Variants in KANSL1L observed in about 807,000 individuals in gnomAD.
KANSL1L encodes KAT8 regulatory NSL complex subunit 1 like, also known as KAT8 regulatory NSL complex subunit 1-like protein.
KANSL1L carries 25 observed loss-of-function variants against 108.6 expected under a neutral mutation model. The observed-to-expected ratio is 0.23, with a 90% CI of 0.17 to 0.32. The LOEUF (loss-of-function observed/expected upper bound fraction) is 0.32, where lower values mean the gene tolerates loss of function less well. KANSL1L is among the 10% of genes least tolerant of loss of function. The pLI, the probability that KANSL1L is intolerant of heterozygous loss-of-function variation, is 1.00. For synonymous variants in KANSL1L, 405 were observed against 395.1 expected (o/e 1.03, Z -0.30); for missense variants, 1,137 against 1,125.7 (o/e 1.01, Z -0.14).
intron 5 of KANSL1L, among the ~76,000 whole-genome samples, chr2:210,097,692 C>T (rs903787690): frequency 6.6e-6 from 1 of 152,068 alleles, no homozygotes; most frequent in Non-Finnish European, 1.5e-5. Flanking sequence ...GTGATAGCTA[C>T]CAATGTTCTG....
rs890709055 is a variant in KANSL1L at position 210,143,072 on chromosome 2, T to G, written c.1088+10423A>C. ...CCCCTACTATTATTGTATTGCAGTC[T>G]ATTTTTTCCTTCACATCTATTAATA... On this transcript the variant is annotated intron_variant, in intron 2 of 14. Coordinates refer to ENST00000281772, the MANE Select transcript of KANSL1L (RefSeq NM_152519.4). 2.0e-5 allele frequency among the ~76,000 whole-genome samples: 3 copies of G among 152,298 alleles called. No homozygotes were observed. The East Asian group carries it at 5.8e-4, about 29-fold the overall frequency.
chr2:210,026,104 T>C (rs367769961), intron 12 of KANSL1L, among the ~76,000 whole-genome samples: 15 of 152,330 alleles, frequency 9.8e-5, no homozygotes, highest in African/African-American at 3.6e-4. Flanking sequence ...AATACTACCT[T>C]AGTTAGGGTG....
intron 3 of KANSL1L, among the ~76,000 whole-genome samples, chr2:210,126,611 T>A (rs994647076): frequency 1.3e-5 from 2 of 151,742 alleles, no homozygotes; most frequent in African/African-American, 2.4e-5. Context: ...AGGCCAGGAG[T>A]TCAAGACTAA....
At chr2:210,101,289 C>A (rs2094791683) in intron 4 of KANSL1L, among the ~76,000 whole-genome samples, 1 of 152,166 alleles carries the variant, frequency 6.6e-6, no homozygotes, top group South Asian at 2.1e-4. Context: ...AAATTCATAA[C>A]TGTTTTTAAC....
At chr2:210,026,072 C>T (rs1225324458) in intron 12 of KANSL1L, among the ~76,000 whole-genome samples, 2 of 152,090 alleles carry the variant, frequency 1.3e-5, no homozygotes, top group Non-Finnish European at 2.9e-5. Context: ...TAATGAATGA[C>T]TTATCTAGGT....
intron 9 of KANSL1L, 106 bp downstream of exon 9, chr2:210,031,315 T>C: frequency 1.4e-6 from 1 of 711,288 alleles, no homozygotes; most frequent in Non-Finnish European, 2.3e-6. Flanking sequence ...TTTTGTGTTA[T>C]TAGTGGCTGT....
chr2:210,072,700 C>T (rs1559533916), intron 6 of KANSL1L, among the ~76,000 whole-genome samples: 1 of 152,134 alleles, frequency 6.6e-6, no homozygotes, highest in Non-Finnish European at 1.5e-5. Context: ...AGAGCTCAGG[C>T]GGTAATGCTC....
chr2:210,055,247 T>A (rs1420007123), intron 6 of KANSL1L, among the ~76,000 whole-genome samples: 2 of 152,218 alleles, frequency 1.3e-5, no homozygotes, highest in Non-Finnish European at 2.9e-5. Context: ...GATTGTAAGT[T>A]TCCTGAAGCC....
chr2:210,045,080 A>G (rs1346594411), intron 6 of KANSL1L, among the ~76,000 whole-genome samples: 1 of 152,030 alleles, frequency 6.6e-6, no homozygotes, highest in African/African-American at 2.4e-5. Flanking sequence ...ACATTAACCG[A>G]TTTTTAACAT....
At chr2:210,139,045 G>A (rs544584684) in intron 2 of KANSL1L, among the ~76,000 whole-genome samples, 1 of 152,164 alleles carries the variant, frequency 6.6e-6, no homozygotes, top group Non-Finnish European at 1.5e-5. Flanking sequence ...GTTGCAGGGA[G>A]CCAAGATCGC....
intron 6 of KANSL1L, among the ~76,000 whole-genome samples, chr2:210,051,899 T>G (rs1378832025): frequency 2.6e-5 from 4 of 152,140 alleles, no homozygotes; most frequent in African/African-American, 9.6e-5. Context: ...GTATAATTTC[T>G]CTTTGTGTTC....
chr2:210,021,438 T>TAATTAAA lies in KANSL1L; in HGVS notation c.*1504_*1510dup. 6.6e-6 allele frequency: 1 copy of TAATTAAA among 152,618 alleles called. No homozygotes were observed. 9.5% of individuals were successfully genotyped at this position (152,618 alleles called of 1,614,324 possible). On this transcript the variant is annotated 3_prime_UTR_variant, in exon 15 of 15. Coordinates refer to ENST00000281772, the MANE Select transcript of KANSL1L (RefSeq NM_152519.4). ...AACACACGGCATATAGAAATAACTT[T>TAATTAAA]AATTAAAAAACTTACATAGAAGATT...
intron 2 of KANSL1L, among the ~76,000 whole-genome samples, chr2:210,130,905 GA>G (rs1426631556): frequency 8.7e-5 from 13 of 149,958 alleles, no homozygotes; most frequent in South Asian, 4.2e-4. Context: ...AGTAGGAAAT[GA>G]AAAAAAAGTC....
chr2:210,128,558 A>G lies in KANSL1L; in HGVS notation c.1230+473T>C, dbSNP rs138635789. On this transcript the variant is annotated intron_variant, in intron 3 of 14. Coordinates refer to ENST00000281772, the MANE Select transcript of KANSL1L (RefSeq NM_152519.4). ...TGAGGTACTTAAAATAGTCAAAATC[A>G]TAAGAGACAGACATAGTTGCCAGGG... Among the ~76,000 whole-genome samples the G allele has an allele frequency of 4.2e-3, 635 of 152,346 alleles. 7 individuals carry two copies. Among genetic ancestry groups the G allele is most frequent in the African/African-American group, 0.015 (612 of 41,586 alleles).
At chr2:210,033,245 A>G (rs1258980422) in intron 8 of KANSL1L, among the ~76,000 whole-genome samples, 2 of 152,344 alleles carry the variant, frequency 1.3e-5, no homozygotes, top group African/African-American at 2.4e-5. Context: ...GAAAAATCAT[A>G]AATGCATCAC....
chr2:210,113,163 C>T (rs2094924741), intron 3 of KANSL1L, among the ~76,000 whole-genome samples: 2 of 152,118 alleles, frequency 1.3e-5, no homozygotes, highest in Non-Finnish European at 2.9e-5. Context: ...ATTCCCTCCT[C>T]CTCTGGCAGA....
At chr2:210,058,388 C>T (rs1276298650) in intron 6 of KANSL1L, among the ~76,000 whole-genome samples, 1 of 152,182 alleles carries the variant, frequency 6.6e-6, no homozygotes, top group African/African-American at 2.4e-5. Flanking sequence ...ACTTCATTAG[C>T]AATTTTAATT....
At chr2:210,161,974 T>C (rs1283853589) in intron 1 of KANSL1L, among the ~76,000 whole-genome samples, 1 of 151,096 alleles carries the variant, frequency 6.6e-6, no homozygotes, top group Non-Finnish European at 1.5e-5. Context: ...CCTGTGATCC[T>C]AGTATTTTGG....
chr2:210,154,462 T>G lies in KANSL1L; in HGVS notation c.121A>C (p.Lys41Gln). 3 of 1,613,516 alleles carry G rather than the reference T, an allele frequency of 1.9e-6. No individual in the cohort carries two copies. The highest frequency in any genetic ancestry group is 2.5e-6 in the Non-Finnish European group (3 of 1,179,746). Residue 41 changes from lysine to glutamine, a missense_variant, in exon 2 of 15, where the codon AAG becomes CAG. By Grantham distance (53) the Lys-to-Gln change is moderately conservative. Coordinates refer to ENST00000281772, the MANE Select transcript of KANSL1L (RefSeq NM_152519.4). ...ESPRTVDEKLKGDTFSQMLGF... is the reference protein window; with the variant it reads ...ESPRTVDEKLQGDTFSQMLGF... ...AGCATCTGAGAAAAGGTGTCTCCCT[T>G]TAGCTTTTCATCTACAGTTCTGGGA...
Sources: gnomAD v4.1 joint callset for allele counts (sites outside exome capture counted in the v4.1 genomes callset) on GRCh38, gnomAD v4.1.1 for gene constraint, MANE v1.5 for transcripts, NCBI Gene and HGNC (gene_info 2026-07-23, HGNC 2026-07-21) for gene names.